The following CNTLN variants were observed in gnomAD, a reference collection of about 807,000 sequenced individuals.
CNTLN encodes centlein, centrosomal protein.
In CNTLN, 212 loss-of-function variants were observed where a neutral mutation model predicts 180.0. The observed-to-expected ratio is 1.18, with a 90% CI of 1.05 to 1.32. The LOEUF (loss-of-function observed/expected upper bound fraction) is 1.32. Ranked by LOEUF, CNTLN falls within the 40% of genes most tolerant of loss-of-function variation. CNTLN has a pLI of 0.00. For synonymous variants in CNTLN, 722 were observed against 563.1 expected, an observed-to-expected ratio of 1.28 and a Z score of -3.99; for missense variants, 2,095 against 1,610.9, an observed-to-expected ratio of 1.30 and a Z score of -5.14.
intron 13 of CNTLN, among the ~76,000 whole-genome samples, chr9:17,378,753 G>C (rs1365838632): frequency 1.3e-5 from 2 of 152,108 alleles, no homozygotes; most frequent in African/African-American, 4.8e-5. Context: ...ATTGTAGAAG[G>C]GGTGACCCAG....
At chr9:17,435,113 A>G (rs1829684561) in intron 18 of CNTLN, among the ~76,000 whole-genome samples, 1 of 152,216 alleles carries the variant, frequency 6.6e-6, no homozygotes, top group Non-Finnish European at 1.5e-5. Context: ...GTACGAGACT[A>G]GAAAAACTGT....
intron 2 of CNTLN, among the ~76,000 whole-genome samples, chr9:17,147,628 T>C (rs184820185): frequency 7.2e-6 from 1 of 138,952 alleles, no homozygotes; most frequent in South Asian, 2.4e-4. Flanking sequence ...GCTGCTGCTG[T>C]TGTTTCCCAT....
intron 18 of CNTLN, among the ~76,000 whole-genome samples, chr9:17,444,574 A>G (rs1564112022): frequency 6.6e-6 from 1 of 152,216 alleles, no homozygotes; most frequent in Non-Finnish European, 1.5e-5. Flanking sequence ...TCTGGGTAGT[A>G]TGTACTATTT....
chr9:17,482,941 G>A (rs1165367847), intron 23 of CNTLN, among the ~76,000 whole-genome samples: 1 of 152,056 alleles, frequency 6.6e-6, no homozygotes, highest in African/African-American at 2.4e-5. Context: ...ATTGTGGTTT[G>A]AAAGTATTTT....
intron 25 of CNTLN, among the ~76,000 whole-genome samples, chr9:17,492,282 TTTC>T (rs1370634561): frequency 6.6e-6 from 1 of 151,736 alleles, no homozygotes; most frequent in Non-Finnish European, 1.5e-5. Flanking sequence ...TCTTTCTTTC[TTTC>T]TTATTTTATT....
chr9:17,442,065 G>A (rs1830141426), intron 18 of CNTLN, among the ~76,000 whole-genome samples: 1 of 152,136 alleles, frequency 6.6e-6, no homozygotes, highest in Non-Finnish European at 1.5e-5. Context: ...GGGAGAAATA[G>A]GCAGCAACAC....
chr9:17,246,376 C>G (rs370151673), intron 5 of CNTLN, among the ~76,000 whole-genome samples: 10 of 152,120 alleles, frequency 6.6e-5, no homozygotes, highest in African/African-American at 2.2e-4. Context: ...CTCTTGTTCT[C>G]TTCCCTTACT....
At chr9:17,271,358 G>A (rs1248853257) in intron 5 of CNTLN, among the ~76,000 whole-genome samples, 2 of 152,072 alleles carry the variant, frequency 1.3e-5, no homozygotes, top group Non-Finnish European at 2.9e-5. Context: ...TTCTGTGTGA[G>A]GGCTAGCTTT....
intron 6 of CNTLN, among the ~76,000 whole-genome samples, chr9:17,292,934 T>C (rs1829509971): frequency 6.6e-6 from 1 of 152,202 alleles, no homozygotes. Flanking sequence ...TTACCTAGCT[T>C]TGATCTTTCA....
At chr9:17,520,415 G>C in the CNTLN span, among the ~76,000 whole-genome samples, 2 of 152,220 alleles carry the variant, frequency 1.3e-5, no homozygotes, top group Non-Finnish European at 2.9e-5. Context: ...TGCCTAAAGA[G>C]CTGGAGCAGG....
chr9:17,459,504 A>G (rs941042310), intron 19 of CNTLN, among the ~76,000 whole-genome samples: 4 of 151,886 alleles, frequency 2.6e-5, no homozygotes, highest in African/African-American at 9.7e-5. Context: ...GAAATTTCCT[A>G]GAAGACCAAG....
intron 15 of CNTLN, among the ~76,000 whole-genome samples, chr9:17,397,446 C>T (rs1236570392): frequency 1.3e-5 from 2 of 152,158 alleles, no homozygotes; most frequent in South Asian, 2.1e-4. Flanking sequence ...AACTTCCTGA[C>T]GTTGCCATGG....
chr9:17,418,605 T>A (rs1828454420), intron 18 of CNTLN, among the ~76,000 whole-genome samples: 1 of 151,996 alleles, frequency 6.6e-6, no homozygotes, highest in Non-Finnish European at 1.5e-5. Context: ...TCCTGCCTAT[T>A]TATGGTAGAA....
At chr9:17,180,226 G>GTTTT in intron 2 of CNTLN, among the ~76,000 whole-genome samples, 1 of 122,618 alleles carries the variant, frequency 8.2e-6, no homozygotes, top group Non-Finnish European at 1.8e-5. Context: ...TGCTATCTCT[G>GTTTT]TTTTTTTTTT....
intron 6 of CNTLN, among the ~76,000 whole-genome samples, chr9:17,295,199 C>T (rs10963010): frequency 0.2 from 30,225 of 151,946 alleles, 3,707 homozygotes; most frequent in African/African-American, 0.34. Flanking sequence ...CCAGTTCCCG[C>T]CCACGCCTGT....
chr9:17,335,304 T>G (rs903284963), intron 10 of CNTLN, among the ~76,000 whole-genome samples: 2 of 151,564 alleles, frequency 1.3e-5, no homozygotes, highest in African/African-American at 4.9e-5. Flanking sequence ...GGATCACGAG[T>G]TCAAGAGATC....
At chr9:17,357,342 C>G (rs887009949) in intron 12 of CNTLN, among the ~76,000 whole-genome samples, 1 of 151,810 alleles carries the variant, frequency 6.6e-6, no homozygotes, top group South Asian at 2.1e-4. Context: ...CAACAGGATT[C>G]TTTGTATCCT....
intron 12 of CNTLN, among the ~76,000 whole-genome samples, chr9:17,345,177 T>C (rs1821783911): frequency 1.3e-5 from 2 of 152,192 alleles, no homozygotes; most frequent in Admixed American, 1.3e-4. Flanking sequence ...TATAGACAGG[T>C]TTTTGTGTGA....
At chr9:17,466,270 C>A in intron 22 of CNTLN, 152 bp downstream of exon 22, 2 of 607,484 alleles carry the variant, frequency 3.3e-6, no homozygotes, top group South Asian at 2.2e-5. Flanking sequence ...ACATGAAACG[C>A]CAAACATTGG....
Sources: gnomAD v4.1 joint callset for allele counts (sites outside exome capture counted in the v4.1 genomes callset) on GRCh38, gnomAD v4.1.1 for gene constraint, MANE v1.5 for transcripts, NCBI Gene and HGNC (gene_info 2026-07-23, HGNC 2026-07-21) for gene names.